The following ZNF264 variants were observed in gnomAD, a reference collection of about 807,000 sequenced individuals.
The protein encoded by ZNF264 is zinc finger protein 264.
A neutral mutation model predicts 11.2 loss-of-function variants in ZNF264; 11 were observed. The ratio of observed to expected loss-of-function variants is 0.98; its 90% CI spans 0.62 to 1.63. The LOEUF is 1.63. ZNF264 is among the 40% of genes most tolerant of loss of function. ZNF264 has a pLI of 0.00. For synonymous variants in ZNF264, 309 were observed against 279.8 expected, an observed-to-expected ratio of 1.10 and a Z score of -1.04; for missense variants, 752 against 768.1, an observed-to-expected ratio of 0.98 and a Z score of 0.25.
chr19:57,191,878 C>G lies in ZNF264; in HGVS notation c.-36C>G, dbSNP rs529969493. On this transcript the variant is annotated 5_prime_UTR_variant, in exon 1 of 4. Transcript: ENST00000263095. ...GGGGTCCGTCAGGCCGCCCGGGGCT[C>G]CTCTGTCCCAGCTCTGCGGCCCAGG... 1 of 1,363,450 alleles carries G rather than the reference C, an allele frequency of 7.3e-7. No homozygotes were observed. Among genetic ancestry groups the G allele is most frequent in the Admixed American group, 2.9e-5 (1 of 34,676 alleles). The allele number at this position is 1,363,450 out of a possible 1,614,324, so 84.5% of individuals were successfully genotyped here. A position where few individuals can be genotyped will look rare whatever the true frequency, so the allele number is the denominator to read the frequency against.
Position 57,220,673 on chromosome 19 carries a change from T to C in ZNF264, c.*7692T>C, listed in dbSNP as rs12977751. The stretch of plus-strand genomic sequence containing the variant: ...TTGTTGTTTGAGACACAGAGTCTCA[T>C]ACTCTGCCACCCAGACTGAAGTGCA... On this transcript the variant is annotated 3_prime_UTR_variant, in exon 4 of 4. Coordinates refer to ENST00000263095, the MANE Select transcript of ZNF264 (RefSeq NM_003417.5). The C allele has an allele frequency of 0.33, 50,376 of 152,046 alleles. 8,617 individuals carry two copies. The highest frequency in any genetic ancestry group is 0.41 in the Middle Eastern group (122 of 294). The allele number at this position is 152,046 out of a possible 1,614,324, so 9.4% of individuals were successfully genotyped here.
At chr19:57,209,242 C>G (rs1197190252) in intron 3 of ZNF264, among the ~76,000 whole-genome samples, 1 of 151,894 alleles carries the variant, frequency 6.6e-6, no homozygotes, top group Non-Finnish European at 1.5e-5. Flanking sequence ...TGGTTTACCT[C>G]AATATTAAAA....
At chr19:57,204,834 A>G (rs765493378) in intron 2 of ZNF264, among the ~76,000 whole-genome samples, 7 of 152,150 alleles carry the variant, frequency 4.6e-5, no homozygotes, top group African/African-American at 7.2e-5. Flanking sequence ...CTTTCTGGGT[A>G]GCGTTGTGGA....
intron 2 of ZNF264, chr19:57,194,823 T>TTG: frequency 2.5e-6 from 1 of 400,234 alleles, no homozygotes; most frequent in Non-Finnish European, 4.4e-6. Flanking sequence ...TCCAATCAAG[T>TTG]TGACACATTA....
At chr19:57,206,253 T>TC (rs1278882544) in intron 3 of ZNF264, among the ~76,000 whole-genome samples, 2 of 152,088 alleles carry the variant, frequency 1.3e-5, no homozygotes, top group East Asian at 3.9e-4. Flanking sequence ...TAGAAATCTT[T>TC]TTTTTTTTGA....
intron 3 of ZNF264, among the ~76,000 whole-genome samples, chr19:57,208,651 T>A (rs959841754): frequency 7.2e-5 from 11 of 152,234 alleles, no homozygotes; most frequent in African/African-American, 2.7e-4. Context: ...ACTGTGGATA[T>A]TCATATATGT....
rs530953982 is a variant in ZNF264, at chr19:57,192,856, C to T, written c.33+910C>T. Among the ~76,000 whole-genome samples, 11 of 152,106 alleles carry T rather than the reference C, an allele frequency of 7.2e-5. No homozygotes were observed. The South Asian group carries it at 2.3e-3, about 32-fold the overall frequency. On this transcript the variant is annotated intron_variant, in intron 1 of 3. Coordinates refer to ENST00000263095, the MANE Select transcript of ZNF264 (RefSeq NM_003417.5). ...AAGCAATTCTCCTGCCCCAGCCTGC[C>T]GAGTAGTTGGGATTACAGGCATGCA...
chr19:57,197,046 A>G (rs2087216948), intron 2 of ZNF264, among the ~76,000 whole-genome samples: 1 of 151,918 alleles, frequency 6.6e-6, no homozygotes, highest in Admixed American at 6.6e-5. Flanking sequence ...TGGTTCCTGC[A>G]TATCATACAG....
At chr19:57,193,740 G>A (rs1159486813) in intron 1 of ZNF264, 135 bp from the exon 2 acceptor site, 1 of 1,308,164 alleles carries the variant, frequency 7.6e-7, no homozygotes, top group Non-Finnish European at 1.1e-6. Flanking sequence ...CTTGAGCCCA[G>A]CACAGAGCTA....
chr19:57,201,635 G>C (rs992588253), intron 2 of ZNF264, among the ~76,000 whole-genome samples: 1 of 151,940 alleles, frequency 6.6e-6, no homozygotes, highest in African/African-American at 2.4e-5. Context: ...AGATCAGTCT[G>C]TCCCAGAACG....
At position 57,222,706 on chromosome 19, in the gene ZNF264, G is replaced by A. The variant is rs374216592; in HGVS notation, c.*9725G>A. On this transcript the variant is annotated 3_prime_UTR_variant, in exon 4 of 4. Coordinates refer to ENST00000263095, the MANE Select transcript of ZNF264 (RefSeq NM_003417.5). ...CAGTGTGTATTTCTATAGTATATAT[G>A]TAAACAATTTGTCATCCTTTTGTTG... The A allele has an allele frequency of 6.6e-6, 1 of 152,260 alleles. No individual in the cohort carries two copies. Among genetic ancestry groups the A allele is most frequent in the South Asian group, 2.1e-4 (1 of 4,824 alleles). The allele number at this position is 152,260 out of a possible 1,614,324, so 9.4% of individuals were successfully genotyped here. A position where few individuals can be genotyped will look rare whatever the true frequency, so the allele number is the denominator to read the frequency against.
In ZNF264 at chr19:57,212,991, C is replaced by A. The variant is rs768082987; in HGVS notation, c.*10C>A. ...AGTGTCTTCACTGTGAGAAAACCTT[C>A]TGTTGCTGAATATTACTTGTCATCT... On this transcript the variant is annotated 3_prime_UTR_variant, in exon 4 of 4. Coordinates refer to ENST00000263095, the MANE Select transcript of ZNF264 (RefSeq NM_003417.5). 2 of 1,596,916 alleles carry A rather than the reference C, an allele frequency of 1.3e-6. No individual in the cohort carries two copies. The highest frequency in any genetic ancestry group is 2.7e-5 in the African/African-American group (2 of 74,254).
At chr19:57,204,112 G>T (rs531006506) in intron 2 of ZNF264, among the ~76,000 whole-genome samples, 1 of 151,702 alleles carries the variant, frequency 6.6e-6, no homozygotes, top group African/African-American at 2.4e-5. Context: ...GTGTGAACCC[G>T]GGCTGAGGCA....
At chr19:57,211,052 G>A (rs2087330788) in intron 3 of ZNF264, among the ~76,000 whole-genome samples, 2 of 152,126 alleles carry the variant, frequency 1.3e-5, no homozygotes, top group African/African-American at 4.8e-5. Flanking sequence ...CTTACAGGAA[G>A]CTTACCATGC....
At position 57,191,860 on chromosome 19, in the gene ZNF264, G is replaced by C; in HGVS notation, c.-54G>C. On this transcript the variant is annotated 5_prime_UTR_variant, in exon 1 of 4. Coordinates refer to ENST00000263095, the MANE Select transcript of ZNF264 (RefSeq NM_003417.5). Reference sequence around the variant, plus strand: ...CCAGGGTCGGGCACAGGTGGGGTCCGTCAGGCCGCCCGGGGCTCCTCTGTC... The same window carrying C: ...CCAGGGTCGGGCACAGGTGGGGTCCCTCAGGCCGCCCGGGGCTCCTCTGTC... 1.6e-6 allele frequency: 2 copies of C among 1,279,070 alleles called. No individual in the cohort carries two copies. The highest frequency in any genetic ancestry group is 9.9e-7 in the Non-Finnish European group (1 of 1,010,720). The allele number at this position is 1,279,070 out of a possible 1,614,324, so 79.2% of individuals were successfully genotyped here. A position where few individuals can be genotyped will look rare whatever the true frequency, so the allele number is the denominator to read the frequency against.
intron 3 of ZNF264, among the ~76,000 whole-genome samples, chr19:57,206,185 G>T (rs900770428): frequency 1.3e-5 from 2 of 152,146 alleles, no homozygotes; most frequent in African/African-American, 4.8e-5. Context: ...AGAGCAGAAG[G>T]TTTGGTGAGC....
intron 2 of ZNF264, among the ~76,000 whole-genome samples, chr19:57,199,861 T>G (rs757846164): frequency 3.1e-4 from 47 of 151,924 alleles, no homozygotes; most frequent in Admixed American, 1.3e-3. Context: ...AGGCCATCAC[T>G]GTTGCCTCAG....
intron 1 of ZNF264, 112 bp downstream of exon 1, chr19:57,192,058 C>T (rs919166435): frequency 2.8e-6 from 3 of 1,089,018 alleles, no homozygotes; most frequent in African/African-American, 1.6e-5. Flanking sequence ...TCGTCGTTCG[C>T]TTTGGTGTGT....
At chr19:57,211,245 C>G (rs1278982550) in intron 3 of ZNF264, 109 bp from the exon 4 acceptor site, 10 of 1,115,902 alleles carry the variant, frequency 9.0e-6, no homozygotes, top group Non-Finnish European at 1.2e-5. Context: ...CAGAAAATAG[C>G]AACACAGAGG....
Sources: gnomAD v4.1 joint callset for allele counts (sites outside exome capture counted in the v4.1 genomes callset) on GRCh38, gnomAD v4.1.1 for gene constraint, MANE v1.5 for transcripts, NCBI Gene and HGNC (gene_info 2026-07-23, HGNC 2026-07-21) for gene names.